ENPEP: variants seen among roughly 807,000 people sequenced by gnomAD.
The protein encoded by ENPEP is AP-A.
In ENPEP, 103 loss-of-function variants were observed where a neutral mutation model predicts 114.5. That is an observed-to-expected ratio of 0.90 (90% CI 0.77 to 1.06). The LOEUF (loss-of-function observed/expected upper bound fraction) is 1.06. ENPEP is among the 50% of genes least tolerant of loss of function. The probability of loss-of-function intolerance (pLI) is 0.00; values close to 1 mark genes in which losing one functional copy is unlikely to be tolerated. For synonymous variants in ENPEP, 420 were observed against 422.0 expected (o/e 1.00, Z 0.06); for missense variants, 1,196 against 1,161.3 (o/e 1.03, Z -0.43).
chr4:110,496,006 C>T (rs1724922282), intron 3 of ENPEP, among the ~76,000 whole-genome samples: 1 of 152,126 alleles, frequency 6.6e-6, no homozygotes, highest in Non-Finnish European at 1.5e-5. Context: ...TGTACTATGA[C>T]CATATTAATT....
chr4:110,505,362 G>A (rs191625208), intron 3 of ENPEP, among the ~76,000 whole-genome samples: 9 of 151,842 alleles, frequency 5.9e-5, no homozygotes, highest in East Asian at 5.8e-4. Context: ...GAGTTGTGCC[G>A]TCTTCGGAGG....
chr4:110,489,540 C>T (rs1396968257), intron 2 of ENPEP, among the ~76,000 whole-genome samples: 2 of 150,826 alleles, frequency 1.3e-5, no homozygotes, highest in African/African-American at 4.9e-5. Flanking sequence ...ACATGTATCC[C>T]AGAACTTAAA....
chr4:110,536,034 G>C (rs151254188), intron 11 of ENPEP, among the ~76,000 whole-genome samples: 2,179 of 150,684 alleles, frequency 0.014, 50 homozygotes, highest in African/African-American at 0.051. Context: ...TTGAACCCGG[G>C]AGGCGGAGGT....
rs71595561 is a variant in ENPEP, at chr4:110,534,504, C to CTTTTTTTTTTTTTTTTTTT, written c.1807+3229_1807+3247dup. ...CATATGTTCTCTCTTTTCGTTGTTT[C>CTTTTTTTTTTTTTTTTTTT]TTTTTTTTTTTTTTTTTTTTGGGAC... On this transcript the variant is annotated intron_variant, in intron 11 of 19. Coordinates refer to ENST00000265162, the MANE Select transcript of ENPEP (RefSeq NM_001977.4). Among the ~76,000 whole-genome samples the CTTTTTTTTTTTTTTTTTTT allele has an allele frequency of 3.8e-5, 2 of 52,290 alleles. 1 individual carries two copies. The allele number at this position is 52,290 out of a possible 152,430, so 34.3% of individuals were successfully genotyped here. A position where few individuals can be genotyped will look rare whatever the true frequency, so the allele number is the denominator to read the frequency against.
rs1198278769 is a variant in ENPEP, at chr4:110,542,491, G to T, written c.1808-260G>T. Among the ~76,000 whole-genome samples, 3 of 151,930 alleles carry T rather than the reference G, an allele frequency of 2.0e-5. 1 individual carries two copies. The highest frequency in any genetic ancestry group is 4.1e-4 in the South Asian group (2 of 4,820). ...TATTTCGCCCATTTGACAAGCTTCTGCCAGTAAAAACTATCCATCATAAAT... is the reference window on the plus strand; with the variant it reads ...TATTTCGCCCATTTGACAAGCTTCTTCCAGTAAAAACTATCCATCATAAAT... On this transcript the variant is annotated intron_variant, in intron 11 of 19. Transcript: ENST00000265162.
rs916170163 is a variant in ENPEP at position 110,563,450 on chromosome 4, T to G, written c.*1892T>G. 4 of 152,156 alleles carry G rather than the reference T, an allele frequency of 2.6e-5. No homozygotes were observed. Among genetic ancestry groups the G allele is most frequent in the African/African-American group, 9.7e-5 (4 of 41,448 alleles). The allele number at this position is 152,156 out of a possible 1,614,324, so 9.4% of individuals were successfully genotyped here. A position where few individuals can be genotyped will look rare whatever the true frequency, so the allele number is the denominator to read the frequency against. On this transcript the variant is annotated 3_prime_UTR_variant, in exon 20 of 20. Coordinates refer to ENST00000265162, the MANE Select transcript of ENPEP (RefSeq NM_001977.4). ...TCACTCCACACGCGAAAGAGTTGTA[T>G]GTACTTTGTCAGAATAAGTCTTCTA...
Position 110,559,679 on chromosome 4 carries a change from T to C in ENPEP, c.2675T>C (p.Ile892Thr), listed in dbSNP as rs573154601. The change falls in exon 19 of 20, where the codon ATT becomes ACT. Residue 892 changes from isoleucine (I) to threonine (T), a missense_variant. By Grantham distance (89) the Ile-to-Thr change is moderately conservative. Transcript: ENST00000265162. Reference sequence around the variant, plus strand: ...CTCAATAACAGAAACCTTGGCCGAATTGTCACAATAGCAGAGCCATTCAAC... The same window carrying C: ...CTCAATAACAGAAACCTTGGCCGAACTGTCACAATAGCAGAGCCATTCAAC... The part of the protein sequence containing the change: ...YTLNNRNLGR[I>T]VTIAEPFNTE... 2 of 1,614,014 alleles carry C rather than the reference T, an allele frequency of 1.2e-6. No homozygotes were observed. Among genetic ancestry groups the C allele is most frequent in the East Asian group, 2.2e-5 (1 of 44,868 alleles).
rs1430372638 is a variant in ENPEP at position 110,509,810 on chromosome 4, A to G, written c.1194+3A>G. ...TTGCCCATGAACTTGTGCATCAGGT[A>G]CAGAATCTTAGCACTGAATCAGCTT... On this transcript the variant is annotated splice_donor_region_variant and intron_variant, in intron 5 of 19. Transcript: ENST00000265162. The G allele has an allele frequency of 2.5e-6, 4 of 1,611,712 alleles. No individual in the cohort carries two copies. Among genetic ancestry groups the G allele is most frequent in the South Asian group, 1.1e-5 (1 of 90,248 alleles).
chr4:110,527,560 A>G (rs1368778224), intron 10 of ENPEP, among the ~76,000 whole-genome samples: 1 of 152,188 alleles, frequency 6.6e-6, no homozygotes, highest in Non-Finnish European at 1.5e-5. Context: ...TTTCCTCTTC[A>G]TGATACATGA....
chr4:110,534,508 T>TTTTC (rs1726535336), intron 11 of ENPEP, among the ~76,000 whole-genome samples: 1 of 139,942 alleles, frequency 7.1e-6, no homozygotes, highest in Non-Finnish European at 1.5e-5. Context: ...TTGTTTCTTT[T>TTTTC]TTTTTTTTTT....
At chr4:110,503,877 A>G (rs1297560383) in intron 3 of ENPEP, among the ~76,000 whole-genome samples, 1 of 152,228 alleles carries the variant, frequency 6.6e-6, no homozygotes, top group Non-Finnish European at 1.5e-5. Context: ...GCTATGATCC[A>G]GTAGATGGTG....
At position 110,513,533 on chromosome 4, in the gene ENPEP, G is replaced by T; in HGVS notation, c.1427G>T (p.Gly476Val). ...TPDEITSVFDGISYSKGSSIL... is the reference protein window; with the variant it reads ...TPDEITSVFDVISYSKGSSIL... ...GATGAAATAACATCTGTTTTTGATG[G>T]AATATCCTATAGCAAGGTGGGAGAA... The change falls in exon 7 of 20, where the codon GGA (glycine) becomes GTA (valine). Residue 476 changes from glycine to valine, a missense_variant. By Grantham distance (109) the Gly-to-Val change is moderately radical. Coordinates refer to ENST00000265162, the MANE Select transcript of ENPEP (RefSeq NM_001977.4). 1 of 1,612,804 alleles carries T rather than the reference G, an allele frequency of 6.2e-7. No homozygotes were observed. Among genetic ancestry groups the T allele is most frequent in the Non-Finnish European group, 8.5e-7 (1 of 1,179,360 alleles).
At position 110,548,333 on chromosome 4, in the gene ENPEP, T is replaced by A; in HGVS notation, c.2151+7T>A. 6.4e-7 allele frequency: 1 copy of A among 1,556,842 alleles called. No homozygotes were observed. The highest frequency in any genetic ancestry group is 8.7e-7 in the Non-Finnish European group (1 of 1,154,108). On this transcript the variant is annotated splice_region_variant and intron_variant, in intron 14 of 19. Transcript: ENST00000265162. ...GCTATATCCTATGATTGAGGTGACG[T>A]TAATGCTATGGTATCTTATGAAAGT...
At chr4:110,485,973 G>A (rs2110334364) in intron 1 of ENPEP, among the ~76,000 whole-genome samples, 1 of 152,198 alleles carries the variant, frequency 6.6e-6, no homozygotes. Flanking sequence ...CGTCTCCATT[G>A]TAAAGTTACA....
intron 4 of ENPEP, among the ~76,000 whole-genome samples, chr4:110,508,181 T>G (rs1256680201): frequency 6.6e-6 from 1 of 151,378 alleles, no homozygotes; most frequent in Non-Finnish European, 1.5e-5. Flanking sequence ...TAATTATATC[T>G]TAGACTCCTT....
chr4:110,520,011 T>G lies in ENPEP; in HGVS notation c.1513T>G (p.Tyr505Asp), dbSNP rs755056802. Reference sequence around the variant, plus strand: ...GCTGATTATTTTTTACACACAGATGTACTTGGAAAAATACCAATTCAAGAA... The same window carrying G: ...GCTGATTATTTTTTACACACAGATGGACTTGGAAAAATACCAATTCAAGAA... ...PENFQKGCQM[Y>D]LEKYQFKNAK... Residue 505 changes from tyrosine to aspartate, a missense_variant, in exon 9 of 20, where the codon TAC becomes GAC. By Grantham distance (160) the Tyr-to-Asp change is radical. Transcript: ENST00000265162. 1 of 1,613,604 alleles carries G rather than the reference T, an allele frequency of 6.2e-7. No homozygotes were observed. Among genetic ancestry groups the G allele is most frequent in the South Asian group, 1.1e-5 (1 of 91,024 alleles).
At chr4:110,532,980 A>G (rs554856131) in intron 11 of ENPEP, 4 of 341,906 alleles carry the variant, frequency 1.2e-5, no homozygotes, top group South Asian at 9.3e-5. Flanking sequence ...AACAATGTGT[A>G]ACAGCACTGG....
At chr4:110,538,790 C>T (rs1274753643) in intron 11 of ENPEP, among the ~76,000 whole-genome samples, 1 of 151,838 alleles carries the variant, frequency 6.6e-6, no homozygotes, top group Admixed American at 6.6e-5. Context: ...CACTTGAGGC[C>T]ATTGAAGAAT....
intron 6 of ENPEP, among the ~76,000 whole-genome samples, chr4:110,510,610 GA>G (rs55693513): frequency 0.47 from 63,337 of 135,912 alleles, 13,586 homozygotes; most frequent in East Asian, 0.58. Context: ...ATCAAGGCAG[GA>G]AAAAAAAAAA....
Sources: allele counts gnomAD v4.1 joint callset (sites outside exome capture counted in the v4.1 genomes callset), GRCh38; gene constraint gnomAD v4.1.1; transcripts MANE v1.5; gene names NCBI Gene and HGNC (gene_info 2026-07-23, HGNC 2026-07-21).